Variants in SMCO2 observed in about 807,000 individuals in gnomAD.
SMCO2 encodes single-pass membrane and coiled-coil domain-containing protein 2.
SMCO2 carries 25 observed loss-of-function variants against 29.5 expected under a neutral mutation model. The ratio of observed to expected loss-of-function variants is 0.85; its 90% CI spans 0.62 to 1.18. The LOEUF (loss-of-function observed/expected upper bound fraction) is 1.18. SMCO2 is among the 50% of genes most tolerant of loss of function. SMCO2 has a pLI of 0.00. For synonymous variants in SMCO2, 117 were observed against 123.3 expected, an observed-to-expected ratio of 0.95 and a Z score of 0.34; for missense variants, 348 against 344.5, an observed-to-expected ratio of 1.01 and a Z score of -0.08.
intron 4 of SMCO2, among the ~76,000 whole-genome samples, chr12:27,478,925 G>A (rs984585566): frequency 6.6e-6 from 1 of 152,202 alleles, no homozygotes; most frequent in African/African-American, 2.4e-5. Context: ...GTGGCAGGGT[G>A]GACCTGTCCT....
chr12:27,480,826 C>T lies in SMCO2; in HGVS notation c.362+5913C>T, dbSNP rs147081305. Among the ~76,000 whole-genome samples the T allele has an allele frequency of 2.0e-3, 300 of 152,250 alleles. 2 individuals are homozygous for T. The highest frequency in any genetic ancestry group is 6.8e-3 in the African/African-American group (282 of 41,544). ...GAGCCAAGCAGATATTGGTGCCATG[C>T]CTGTACAGCTTACAGAACCATAGGC... On this transcript the variant is annotated intron_variant, in intron 4 of 7. Coordinates refer to ENST00000298876, the Ensembl canonical transcript of SMCO2.
At chr12:27,430,544 G>C in the SMCO2 span, among the ~76,000 whole-genome samples, 1 of 152,134 alleles carries the variant, frequency 6.6e-6, no homozygotes, top group Non-Finnish European at 1.5e-5. Context: ...CAGTTTGGCT[G>C]TGTTAGCATT....
chr12:27,427,735 G>A, the SMCO2 span, among the ~76,000 whole-genome samples: 1 of 152,142 alleles, frequency 6.6e-6, no homozygotes, highest in Non-Finnish European at 1.5e-5. Flanking sequence ...TGTAGGTACT[G>A]CAACCACACA....
chr12:27,446,576 C>CA, the SMCO2 span: 1 of 152,194 alleles, frequency 6.6e-6, no homozygotes, highest in Non-Finnish European at 1.5e-5. Context: ...GACTAACCAG[C>CA]ATCCTAACCT....
the SMCO2 span, among the ~76,000 whole-genome samples, chr12:27,427,446 T>G: frequency 6.6e-6 from 1 of 152,220 alleles, no homozygotes; most frequent in Non-Finnish European, 1.5e-5. Flanking sequence ...CACAGACCTC[T>G]TATTCTAGGG....
chr12:27,476,507 T>C (rs555705266), intron 4 of SMCO2, among the ~76,000 whole-genome samples: 35 of 152,306 alleles, frequency 2.3e-4, no homozygotes, highest in African/African-American at 7.9e-4. Context: ...TCCCTTTAGA[T>C]CTAGTAATAT....
exon 4 of SMCO2, chr12:27,474,795 G>A (rs1421554162): frequency 6.4e-7 from 1 of 1,551,540 alleles, no homozygotes; most frequent in African/African-American, 1.4e-5. Flanking sequence ...GGGTATGTTG[G>A]AGCTAGAGGC....
chr12:27,438,348 C>T, the SMCO2 span, among the ~76,000 whole-genome samples: 1 of 152,136 alleles, frequency 6.6e-6, no homozygotes, highest in Non-Finnish European at 1.5e-5. Flanking sequence ...GATGATAACT[C>T]TCAAACCTAT....
intron 7 of SMCO2, chr12:27,498,684 A>G (rs1943041377): frequency 6.6e-6 from 1 of 151,184 alleles, no homozygotes. Flanking sequence ...TTAACACAAG[A>G]ACGTTTGTCA....
Position 27,474,770 on chromosome 12 carries a change from T to C in SMCO2, c.235-16T>C, listed in dbSNP as rs1592206182. 11 of 1,551,332 alleles carry C rather than the reference T, an allele frequency of 7.1e-6. No individual in the cohort carries two copies. In the African/African-American group the frequency reaches 8.2e-5, roughly 12 times the overall value. On this transcript the variant is annotated splice_polypyrimidine_tract_variant and intron_variant, in intron 3 of 7. Coordinates refer to ENST00000298876, the Ensembl canonical transcript of SMCO2. The stretch of plus-strand genomic sequence containing the variant: ...AACCTTTTGTTCTGCTTTGCTTCCA[T>C]CATCATCTTTACCAGGGTATGTTGG...
chr12:27,444,192 C>T, the SMCO2 span, among the ~76,000 whole-genome samples: 20 of 152,220 alleles, frequency 1.3e-4, no homozygotes, highest in East Asian at 3.3e-3. Context: ...TATAAATCCA[C>T]GCATTTACAA....
At chr12:27,474,729 C>T in intron 3 of SMCO2, 57 bp from the exon 4 acceptor site, 2 of 1,543,980 alleles carry the variant, frequency 1.3e-6, no homozygotes, top group East Asian at 4.9e-5. Context: ...CTGGAAGAAC[C>T]ACCACATCTT....
At chr12:27,430,166 T>G in the SMCO2 span, among the ~76,000 whole-genome samples, 5 of 152,200 alleles carry the variant, frequency 3.3e-5, no homozygotes, top group African/African-American at 1.2e-4. Context: ...TTCTTGTATA[T>G]TCTGGTACTC....
chr12:27,438,956 C>T, the SMCO2 span, among the ~76,000 whole-genome samples: 1 of 152,098 alleles, frequency 6.6e-6, no homozygotes, highest in African/African-American at 2.4e-5. Flanking sequence ...CCCCATTCTG[C>T]AAGACATGAA....
chr12:27,489,340 C>T (rs565531081), intron 5 of SMCO2, among the ~76,000 whole-genome samples: 3 of 152,162 alleles, frequency 2.0e-5, no homozygotes, highest in Non-Finnish European at 4.4e-5. Context: ...TGAGCTACCG[C>T]ACCCAGCCTA....
exon 4 of SMCO2, chr12:27,474,815 C>T: frequency 6.4e-7 from 1 of 1,551,708 alleles, no homozygotes; most frequent in Non-Finnish European, 8.7e-7. Flanking sequence ...CTGAGCATGA[C>T]CAGGACCTGA....
the SMCO2 span, among the ~76,000 whole-genome samples, chr12:27,457,852 A>T: frequency 6.6e-6 from 1 of 152,230 alleles, no homozygotes. Context: ...TCTTTTTGTT[A>T]TCTCATCTTA....
chr12:27,450,946 A>C, the SMCO2 span, among the ~76,000 whole-genome samples: 1 of 152,236 alleles, frequency 6.6e-6, no homozygotes. Context: ...GAGGAGTGAA[A>C]GAGAAATTTT....
At chr12:27,486,999 G>GT (rs1195832074) in intron 4 of SMCO2, among the ~76,000 whole-genome samples, 10 of 152,232 alleles carry the variant, frequency 6.6e-5, no homozygotes, top group Non-Finnish European at 1.2e-4. Flanking sequence ...CAGCATTCCT[G>GT]AATGGTAGCA....
Sources: gnomAD v4.1 joint callset for allele counts (sites outside exome capture counted in the v4.1 genomes callset) on GRCh38, gnomAD v4.1.1 for gene constraint, MANE v1.5 for transcripts, NCBI Gene and HGNC (gene_info 2026-07-23, HGNC 2026-07-21) for gene names.